The following RNF144A variants were observed in gnomAD, a reference collection of about 807,000 sequenced individuals.
RNF144A encodes the protein ring finger protein 144A.
RNF144A carries 11 observed loss-of-function variants against 38.7 expected under a neutral mutation model. The observed-to-expected ratio is 0.28, with a 90% CI of 0.18 to 0.47. The LOEUF (loss-of-function observed/expected upper bound fraction) is 0.47. Ranked by LOEUF, RNF144A falls within the 20% of genes least tolerant of loss-of-function variation. The pLI is 0.99. For synonymous variants in RNF144A, 149 were observed against 143.9 expected, an observed-to-expected ratio of 1.04 and a Z score of -0.25; for missense variants, 316 against 377.2, an observed-to-expected ratio of 0.84 and a Z score of 1.34.
At chr2:7,006,768 A>G (rs1670470413) in intron 3 of RNF144A, among the ~76,000 whole-genome samples, 1 of 151,986 alleles carries the variant, frequency 6.6e-6, no homozygotes. Context: ...CACTCAGTCT[A>G]TTTAAGTGGG....
intron 1 of RNF144A, among the ~76,000 whole-genome samples, chr2:6,921,558 ACGT>A (rs1324917447): frequency 6.6e-6 from 1 of 152,214 alleles, no homozygotes; most frequent in East Asian, 1.9e-4. Flanking sequence ...CATCGCACAC[ACGT>A]CGTCAATTTT....
chr2:6,995,100 CCCTTCT>C (rs955378599), intron 2 of RNF144A, among the ~76,000 whole-genome samples: 9 of 152,154 alleles, frequency 5.9e-5, no homozygotes, highest in African/African-American at 2.2e-4. Flanking sequence ...GGTGAATTCT[CCCTTCT>C]CCTTCCATGT....
Position 7,042,561 on chromosome 2 carries a change from A to G in RNF144A, c.*2801A>G, listed in dbSNP as rs1451817178. 2.0e-6 allele frequency: 2 copies of G among 985,390 alleles called. No homozygotes were observed. Among genetic ancestry groups the G allele is most frequent in the Non-Finnish European group, 2.4e-6 (2 of 830,010 alleles). 61.0% of individuals were successfully genotyped at this position (985,390 alleles called of 1,614,324 possible). ...GTGAGGACTGGCCTTAGCCCAGTGG[A>G]CCTGTGGCTTCTCTGAGGCCCTTGA... On this transcript the variant is annotated 3_prime_UTR_variant, in exon 9 of 9. Coordinates refer to ENST00000320892, the MANE Select transcript of RNF144A (RefSeq NM_014746.6).
At chr2:7,044,483 G>A (rs996111552), downstream of RNF144A, among the ~76,000 whole-genome samples, 7 of 152,134 alleles carry the variant, frequency 4.6e-5, no homozygotes, top group African/African-American at 7.2e-5. Context: ...GTGCCCAACC[G>A]GTACTGCAGC....
intron 5 of RNF144A, 100 bp downstream of exon 5, chr2:7,014,872 G>T: frequency 7.3e-6 from 6 of 822,584 alleles, no homozygotes; most frequent in South Asian, 4.4e-5. Flanking sequence ...TACAGCATTT[G>T]ATAGGAGTTA....
At chr2:7,003,035 G>A (rs1427826764) in intron 3 of RNF144A, among the ~76,000 whole-genome samples, 1 of 151,848 alleles carries the variant, frequency 6.6e-6, no homozygotes, top group Non-Finnish European at 1.5e-5. Flanking sequence ...AAAGCTTACA[G>A]AATAAGGATA....
chr2:7,064,673 G>T (rs562796820), intron 6 of RNF144A, among the ~76,000 whole-genome samples: 116 of 152,334 alleles, frequency 7.6e-4, no homozygotes, highest in African/African-American at 2.7e-3. Context: ...GAAGATTCTG[G>T]TAATGACTTT....
At chr2:6,970,934 CAT>C (rs532569760) in intron 2 of RNF144A, among the ~76,000 whole-genome samples, 96 of 152,344 alleles carry the variant, frequency 6.3e-4, no homozygotes, top group African/African-American at 2.1e-3. Context: ...TGCACAAAGT[CAT>C]GTGCAAAACT....
chr2:6,988,581 T>A (rs1669105856), intron 2 of RNF144A, among the ~76,000 whole-genome samples: 1 of 152,178 alleles, frequency 6.6e-6, no homozygotes, highest in Non-Finnish European at 1.5e-5. Context: ...TCTCATCACA[T>A]CCTGGTGGGG....
chr2:6,991,951 A>G (rs953226131), intron 2 of RNF144A, among the ~76,000 whole-genome samples: 9 of 152,188 alleles, frequency 5.9e-5, no homozygotes, highest in Admixed American at 1.3e-4. Flanking sequence ...AAATTCACAC[A>G]TATGTCAGAC....
At chr2:6,953,609 A>G (rs1019859324) in intron 2 of RNF144A, among the ~76,000 whole-genome samples, 3 of 152,144 alleles carry the variant, frequency 2.0e-5, no homozygotes, top group African/African-American at 7.2e-5. Context: ...ATCAATATCT[A>G]TCTTAATTGC....
intron 3 of RNF144A, among the ~76,000 whole-genome samples, chr2:7,001,617 C>T (rs1394611598): frequency 1.3e-5 from 2 of 152,294 alleles, no homozygotes; most frequent in South Asian, 2.1e-4. Context: ...GTCGAGGCCG[C>T]AGTGAGCCAT....
At chr2:7,065,233 C>T (rs939953133) in intron 6 of RNF144A, among the ~76,000 whole-genome samples, 1 of 152,246 alleles carries the variant, frequency 6.6e-6, no homozygotes, top group African/African-American at 2.4e-5. Flanking sequence ...TAGATCAACA[C>T]TGGAATCTCT....
At chr2:6,955,183 C>A (rs1425605850) in intron 2 of RNF144A, among the ~76,000 whole-genome samples, 2 of 152,152 alleles carry the variant, frequency 1.3e-5, no homozygotes, top group African/African-American at 2.4e-5. Context: ...TAAAGGAAAT[C>A]ATAGGGATCA....
chr2:7,058,018 C>T (rs1673805170), intron 6 of RNF144A, among the ~76,000 whole-genome samples: 1 of 152,076 alleles, frequency 6.6e-6, no homozygotes, highest in African/African-American at 2.4e-5. Flanking sequence ...CTGACATGTG[C>T]CAGGTGCTTA....
At chr2:6,988,569 A>G (rs547781934) in intron 2 of RNF144A, among the ~76,000 whole-genome samples, 1 of 152,324 alleles carries the variant, frequency 6.6e-6, no homozygotes, top group South Asian at 2.1e-4. Flanking sequence ...GTGAAACCTT[A>G]TTCTCATCAC....
chr2:7,073,388 G>T, the RNF144A span, among the ~76,000 whole-genome samples: 3 of 150,634 alleles, frequency 2.0e-5, no homozygotes, highest in Non-Finnish European at 4.4e-5. Context: ...GTTCATATTT[G>T]TATGAAGGCC....
At chr2:7,004,801 C>T (rs1238339948) in intron 3 of RNF144A, among the ~76,000 whole-genome samples, 2 of 152,224 alleles carry the variant, frequency 1.3e-5, no homozygotes, top group Admixed American at 6.5e-5. Flanking sequence ...ATTTCACATA[C>T]TGTGTGGCGG....
intron 2 of RNF144A, among the ~76,000 whole-genome samples, chr2:6,983,636 T>C (rs1025233209): frequency 1.3e-5 from 2 of 152,220 alleles, no homozygotes; most frequent in African/African-American, 4.8e-5. Context: ...CTGGAGGATT[T>C]CTGTCAGGAG....
Sources: gnomAD v4.1 joint callset for allele counts (sites outside exome capture counted in the v4.1 genomes callset) on GRCh38, gnomAD v4.1.1 for gene constraint, MANE v1.5 for transcripts, NCBI Gene and HGNC (gene_info 2026-07-23, HGNC 2026-07-21) for gene names.